Variants in MEIOB observed in about 807,000 individuals in gnomAD.
MEIOB encodes meiosis-specific with OB domain-containing protein.
In MEIOB, 50 loss-of-function variants were observed where a neutral mutation model predicts 53.1. The observed-to-expected ratio is 0.94, with a 90% CI of 0.75 to 1.19. MEIOB has a LOEUF of 1.19. Among genes scored for constraint, MEIOB ranks in the 50% most tolerant of loss-of-function variants. MEIOB has a pLI of 0.00. For synonymous variants in MEIOB, 192 were observed against 182.5 expected (o/e 1.05, Z -0.42); for missense variants, 551 against 550.8 (o/e 1.00, Z 0.00).
intron 9 of MEIOB, among the ~76,000 whole-genome samples, chr16:1,850,586 GAAT>G (rs1273338706): frequency 7.1e-6 from 1 of 139,978 alleles, no homozygotes; most frequent in Non-Finnish European, 1.6e-5. Context: ...AAAAAAAAAA[GAAT>G]AATAAACTAT....
chr16:1,857,885 A>C lies in MEIOB; in HGVS notation c.378T>G (p.Val126=). The C allele has an allele frequency of 1.3e-6, 2 of 1,551,360 alleles. No individual in the cohort carries two copies. Among genetic ancestry groups the C allele is most frequent in the Non-Finnish European group, 1.7e-6 (2 of 1,146,820 alleles). The change falls in exon 6 of 14, where the codon GTT becomes GTG. Residue 126 remains valine (V), a synonymous_variant. Coordinates refer to ENST00000325962, the MANE Select transcript of MEIOB (RefSeq NM_001163560.3). ...TTGTGTCCACTTCATAACTGGAACA[A>C]ACTTTTACTGTTGAGTGATTCTCAC... is the stretch of plus-strand genomic sequence containing the variant. ...LLSENHSTVK[V]CSSYEVDTKL... is the part of the protein sequence containing the mutation.
rs932061616 is a variant in MEIOB, at chr16:1,860,156, G to A, written c.332+247C>T. 9.9e-5 allele frequency among the ~76,000 whole-genome samples: 15 copies of A among 152,166 alleles called. 1 individual carries two copies. Among genetic ancestry groups the A allele is most frequent in the Non-Finnish European group, 1.8e-4 (12 of 68,030 alleles). ...TTTTCTCCTCATTCAGTTTTAACAT[G>A]ACAAAGTCAAATTTTTGTAAATCTA... On this transcript the variant is annotated intron_variant, in intron 5 of 13. Transcript: ENST00000325962.
In MEIOB at chr16:1,855,145, G is replaced by A. The variant is rs114586457; in HGVS notation, c.529-945C>T. Among the ~76,000 whole-genome samples the A allele has an allele frequency of 2.3e-3, 353 of 152,324 alleles. 2 individuals carry two copies. The highest frequency in any genetic ancestry group is 8.2e-3 in the African/African-American group (340 of 41,564). The stretch of plus-strand genomic sequence containing the variant: ...GAAACAACAGGTTAAATGAAAGTGT[G>A]AAGAGTGGCCGGGAGGGGTGGCTCA... On this transcript the variant is annotated intron_variant, in intron 6 of 13. Transcript: ENST00000325962.
intron 6 of MEIOB, among the ~76,000 whole-genome samples, chr16:1,855,039 C>G (rs1899265627): frequency 6.6e-6 from 1 of 152,110 alleles, no homozygotes; most frequent in African/African-American, 2.4e-5. Context: ...AGAGGTCAGC[C>G]TAACATCTGG....
chr16:1,867,983 A>G (rs1262517497), intron 2 of MEIOB, 124 bp downstream of exon 2: 8 of 543,484 alleles, frequency 1.5e-5, no homozygotes, highest in Admixed American at 3.0e-5. Flanking sequence ...AATTATACCA[A>G]TGCAATGAGT....
At chr16:1,836,579 G>C (rs1233424965) in intron 13 of MEIOB, among the ~76,000 whole-genome samples, 1 of 147,806 alleles carries the variant, frequency 6.8e-6, no homozygotes, top group Non-Finnish European at 1.5e-5. Flanking sequence ...GTAGTGAAGA[G>C]GCCTCAAGCC....
At chr16:1,846,207 T>C (rs1899022933) in intron 9 of MEIOB, among the ~76,000 whole-genome samples, 1 of 152,210 alleles carries the variant, frequency 6.6e-6, no homozygotes, top group African/African-American at 2.4e-5. Flanking sequence ...ATATGCATCA[T>C]GAATTGCTGT....
chr16:1,845,746 T>C (rs767309493), intron 9 of MEIOB, among the ~76,000 whole-genome samples: 1 of 152,144 alleles, frequency 6.6e-6, no homozygotes, highest in South Asian at 2.1e-4. Flanking sequence ...GCTCCCCACA[T>C]TGGCACATGA....
chr16:1,853,936 C>T (rs915796061), intron 7 of MEIOB, among the ~76,000 whole-genome samples, 164 bp downstream of exon 7: 1 of 152,130 alleles, frequency 6.6e-6, no homozygotes, highest in Admixed American at 6.6e-5. Context: ...AGGTGGTATC[C>T]ATAACAACTC....
chr16:1,858,296 G>A (rs1899358709), intron 5 of MEIOB, among the ~76,000 whole-genome samples: 1 of 152,082 alleles, frequency 6.6e-6, no homozygotes, highest in Admixed American at 6.6e-5. Context: ...TGGCTGTTCT[G>A]CCTTAGTGCC....
intron 3 of MEIOB, among the ~76,000 whole-genome samples, chr16:1,862,603 G>A (rs1899474337): frequency 1.3e-5 from 2 of 150,958 alleles, no homozygotes; most frequent in African/African-American, 2.4e-5. Context: ...CTGGGCAACA[G>A]AGCAAGACCC....
Position 1,841,961 on chromosome 16 carries a change from A to G in MEIOB, c.893T>C (p.Val298Ala). 1 of 1,568,840 alleles carries G rather than the reference A, an allele frequency of 6.4e-7. No homozygotes were observed. Among genetic ancestry groups the G allele is most frequent in the Admixed American group, 1.9e-5 (1 of 52,310 alleles). ...TAATTGTTCAACTGTGTAGACATCA[A>G]CTATTGTACTTACTAAAAACAGAAA... ...FKESINLSTI[V>A]DVYTVEQLKG... Residue 298 changes from valine (V) to alanine (A), a missense_variant, in exon 11 of 14, where the codon GTT becomes GCT. Coordinates refer to ENST00000325962, the MANE Select transcript of MEIOB (RefSeq NM_001163560.3).
intron 12 of MEIOB, 119 bp from the exon 13 acceptor site, chr16:1,837,989 A>G: frequency 6.9e-7 from 1 of 1,439,812 alleles, no homozygotes; most frequent in Non-Finnish European, 9.2e-7. Context: ...CAGTAATTAC[A>G]GCTCAATCGT....
chr16:1,845,236 G>C (rs192500950), intron 9 of MEIOB, among the ~76,000 whole-genome samples: 83 of 152,248 alleles, frequency 5.5e-4, no homozygotes, highest in African/African-American at 1.9e-3. Context: ...ACATATATAA[G>C]GGACCGGGCG....
chr16:1,860,210 A>G (rs1374894081), intron 5 of MEIOB, among the ~76,000 whole-genome samples, 193 bp downstream of exon 5: 2 of 152,242 alleles, frequency 1.3e-5, no homozygotes, highest in Non-Finnish European at 2.9e-5. Flanking sequence ...CTAAAACCAA[A>G]GCCATTTATC....
intron 5 of MEIOB, among the ~76,000 whole-genome samples, chr16:1,859,490 G>A (rs1365234108): frequency 3.3e-5 from 5 of 152,178 alleles, no homozygotes; most frequent in South Asian, 2.1e-4. Flanking sequence ...ACAGTGAGCC[G>A]AGATCGTGCC....
intron 6 of MEIOB, 25 bp from the exon 7 acceptor site, chr16:1,854,225 C>A: frequency 1.5e-6 from 2 of 1,351,628 alleles, no homozygotes; most frequent in South Asian, 2.6e-5. Flanking sequence ...TAAATCATTA[C>A]TCTTCACCTA....
chr16:1,859,713 C>T (rs567025991), intron 5 of MEIOB, among the ~76,000 whole-genome samples: 6 of 152,100 alleles, frequency 3.9e-5, no homozygotes, highest in Non-Finnish European at 5.9e-5. Context: ...ACAGTTGATG[C>T]GAGTGTAAAT....
chr16:1,870,626 G>A (rs749404644), intron 1 of MEIOB, among the ~76,000 whole-genome samples: 2 of 152,134 alleles, frequency 1.3e-5, no homozygotes, highest in Non-Finnish European at 2.9e-5. Flanking sequence ...AAGATGCCTC[G>A]ATGTTCACAG....
Sources: allele counts gnomAD v4.1 joint callset (sites outside exome capture counted in the v4.1 genomes callset), GRCh38; gene constraint gnomAD v4.1.1; transcripts MANE v1.5; gene names NCBI Gene and HGNC (gene_info 2026-07-23, HGNC 2026-07-21).